Variants in IWS1 observed in about 807,000 individuals in gnomAD.
IWS1 encodes protein IWS1 homolog.
IWS1 carries 27 observed loss-of-function variants against 86.7 expected under a neutral mutation model. That is an observed-to-expected ratio of 0.31 (90% CI 0.23 to 0.43). The LOEUF (loss-of-function observed/expected upper bound fraction) is 0.43. Among genes scored for constraint, IWS1 ranks in the 20% least tolerant of loss-of-function variants. IWS1 has a pLI of 1.00. For synonymous variants in IWS1, 313 were observed against 335.1 expected (o/e 0.93, Z 0.72); for missense variants, 827 against 1,000.8 (o/e 0.83, Z 2.34).
chr2:127,512,890 T>C (rs1421061490), intron 2 of IWS1, among the ~76,000 whole-genome samples: 1 of 152,244 alleles, frequency 6.6e-6, no homozygotes, highest in Non-Finnish European at 1.5e-5. Flanking sequence ...TTATCACACA[T>C]TATATAAACT....
intron 2 of IWS1, among the ~76,000 whole-genome samples, chr2:127,513,460 C>A (rs1691581998): frequency 6.6e-6 from 1 of 152,098 alleles, no homozygotes; most frequent in Non-Finnish European, 1.5e-5. Flanking sequence ...ATTTAAGAAA[C>A]TATCTTTCCA....
chr2:127,501,139 T>C lies in IWS1; in HGVS notation c.1467+1676A>G, dbSNP rs1033837432. 2.4e-4 allele frequency among the ~76,000 whole-genome samples: 37 copies of C among 152,212 alleles called. 1 individual carries two copies. Among genetic ancestry groups the C allele is most frequent in the Non-Finnish European group, 2.9e-5 (2 of 68,028 alleles). ...TGCATCTCTAACCTTCCATCTGAGA[T>C]CATTCTTTCTTGCATTTCTTTCCTT... is the stretch of plus-strand genomic sequence containing the variant. On this transcript the variant is annotated intron_variant, in intron 5 of 13. Transcript: ENST00000295321.
At chr2:127,484,371 T>G (rs926623140) in intron 13 of IWS1, 2 of 152,192 alleles carry the variant, frequency 1.3e-5, no homozygotes, top group Admixed American at 6.5e-5. Flanking sequence ...TTTATTTACA[T>G]AACTTTGAAA....
At chr2:127,485,990 T>C (rs757280242) in intron 13 of IWS1, 38 of 153,890 alleles carry the variant, frequency 2.5e-4, no homozygotes, top group Admixed American at 1.0e-3. Context: ...AAATCGCCTC[T>C]TATGCTTTTC....
chr2:127,483,585 G>GGGGGGGGGGGGGGGGGT (rs1689760108), intron 13 of IWS1, among the ~76,000 whole-genome samples: 2 of 43,268 alleles, frequency 4.6e-5, no homozygotes, highest in Non-Finnish European at 4.7e-5. Flanking sequence ...GCGGGGGGTG[G>GGGGGGGGGGGGGGGGGT]TGGGGTGGGG....
chr2:127,497,188 T>C (rs531324500), intron 6 of IWS1, among the ~76,000 whole-genome samples: 1 of 152,356 alleles, frequency 6.6e-6, no homozygotes, highest in African/African-American at 2.4e-5. Flanking sequence ...TTTCAATTCC[T>C]GTACTACCCT....
intron 2 of IWS1, among the ~76,000 whole-genome samples, chr2:127,508,444 G>T (rs1691263912): frequency 6.6e-6 from 1 of 152,210 alleles, no homozygotes. Flanking sequence ...TACAGTACCA[G>T]CAGAGGCAAT....
chr2:127,481,105 T>C lies in IWS1; in HGVS notation c.2399A>G (p.Lys800Arg). 2.5e-6 allele frequency: 4 copies of C among 1,613,024 alleles called. No homozygotes were observed. Among genetic ancestry groups the C allele is most frequent in the East Asian group, 2.2e-5 (1 of 44,804 alleles). ...CACTGCGTGTGCAGATCTGCTTTTT[T>C]TCCTTATATCTGTGAACTTTCTCAT... is the stretch of plus-strand genomic sequence containing the variant. ...KQMRKFTDIRKKSRSAHAVKI... is the reference protein window; with the variant it reads ...KQMRKFTDIRRKSRSAHAVKI... The change falls in exon 14 of 14, where the codon AAA (lysine) becomes AGA (arginine). Residue 800 changes from lysine (K) to arginine (R), a missense_variant. Lys to Arg is a conservative substitution (Grantham distance 26). Transcript: ENST00000295321.
intron 2 of IWS1, among the ~76,000 whole-genome samples, chr2:127,520,730 T>C (rs139949320): frequency 1.6e-3 from 250 of 152,336 alleles, no homozygotes; most frequent in African/African-American, 5.7e-3. Flanking sequence ...TTAATTCTCC[T>C]GGCAGCTTTC....
chr2:127,507,369 C>G (rs192670915), intron 2 of IWS1, among the ~76,000 whole-genome samples: 1,955 of 152,276 alleles, frequency 0.013, 42 homozygotes, highest in African/African-American at 0.044. Context: ...TTGCTATACA[C>G]AGTCACTGAA....
chr2:127,502,708 A>C, intron 5 of IWS1, 107 bp downstream of exon 5: 1 of 581,348 alleles, frequency 1.7e-6, no homozygotes, highest in Non-Finnish European at 3.1e-6. Flanking sequence ...TGAATACATC[A>C]TAATTGTTTA....
chr2:127,504,543 T>G (rs995064118), intron 3 of IWS1, 141 bp downstream of exon 3: 19 of 665,002 alleles, frequency 2.9e-5, no homozygotes, highest in Non-Finnish European at 4.1e-5. Context: ...CCAGGGGAAA[T>G]GAGTGTCCTA....
At position 127,489,786 on chromosome 2, in the gene IWS1, G is replaced by C. The variant is rs375589274; in HGVS notation, c.2159+46C>G. 1 of 1,055,486 alleles carries C rather than the reference G, an allele frequency of 9.5e-7. No individual in the cohort carries two copies. Among genetic ancestry groups the C allele is most frequent in the African/African-American group, 1.6e-5 (1 of 63,718 alleles). The allele number at this position is 1,055,486 out of a possible 1,614,324, so 65.4% of individuals were successfully genotyped here. A position where few individuals can be genotyped will look rare whatever the true frequency, so the allele number is the denominator to read the frequency against. On this transcript the variant is annotated intron_variant, in intron 11 of 13. Coordinates refer to ENST00000295321, the MANE Select transcript of IWS1 (RefSeq NM_017969.3). This position sits in a 1 kb window ranked among gnomAD's most constrained non-coding sequence, Gnocchi z 4.8. ...TGATCTTACTTAAAACTGAGTTACT[G>C]CAACAATAACGTGTATTCCACTTAC...
intron 6 of IWS1, among the ~76,000 whole-genome samples, chr2:127,496,864 C>T (rs963426038): frequency 1.1e-4 from 16 of 152,174 alleles, no homozygotes; most frequent in Non-Finnish European, 2.4e-4. Flanking sequence ...AGGCATAAGC[C>T]ACCACGTCCA....
At chr2:127,483,631 C>CGCGCGT (rs1481364993) in intron 13 of IWS1, among the ~76,000 whole-genome samples, 1 of 39,852 alleles carries the variant, frequency 2.5e-5, no homozygotes, top group African/African-American at 8.4e-5. Flanking sequence ...TGTGCGTGTG[C>CGCGCGT]GTGTGTGTGT....
intron 13 of IWS1, among the ~76,000 whole-genome samples, chr2:127,483,579 GGGGTGGTGGGGT>G (rs1445433820): frequency 3.8e-5 from 2 of 52,868 alleles, no homozygotes; most frequent in African/African-American, 1.4e-4. Flanking sequence ...GTCGGGGCGG[GGGGTGGTGGGGT>G]GGGGGGGTTG....
chr2:127,525,230 G>A (rs982878367), intron 1 of IWS1, among the ~76,000 whole-genome samples: 4 of 152,038 alleles, frequency 2.6e-5, no homozygotes, highest in African/African-American at 9.7e-5. Context: ...AAAGTGCTGG[G>A]ATTACAGGCA....
intron 2 of IWS1, among the ~76,000 whole-genome samples, chr2:127,515,998 C>T (rs1216317502): frequency 1.3e-5 from 2 of 152,174 alleles, no homozygotes; most frequent in African/African-American, 2.4e-5. Context: ...TTAAAGAAGG[C>T]TCTACCTTGG....
At chr2:127,522,778 T>C (rs1270371061) in intron 2 of IWS1, among the ~76,000 whole-genome samples, 2 of 152,252 alleles carry the variant, frequency 1.3e-5, no homozygotes, top group East Asian at 1.9e-4. Flanking sequence ...AATTTCCCAA[T>C]TTTATCTTGT....
Sources: allele counts gnomAD v4.1 joint callset (sites outside exome capture counted in the v4.1 genomes callset), GRCh38; gene constraint gnomAD v4.1.1; non-coding constraint Gnocchi (gnomAD v3.1); transcripts MANE v1.5; gene names NCBI Gene and HGNC (gene_info 2026-07-23, HGNC 2026-07-21).